NRG3: variants seen among roughly 807,000 people sequenced by gnomAD.
The protein encoded by NRG3 is pro-neuregulin-3, membrane-bound isoform.
In NRG3, 31 loss-of-function variants were observed where a neutral mutation model predicts 66.9. The ratio of observed to expected loss-of-function variants is 0.46; its 90% CI spans 0.35 to 0.63. NRG3 has a LOEUF of 0.63. Ranked by LOEUF, NRG3 falls within the 20% of genes least tolerant of loss-of-function variation. NRG3 has a pLI of 0.00. For synonymous variants in NRG3, 393 were observed against 359.4 expected (o/e 1.09, Z -1.06); for missense variants, 910 against 878.9 (o/e 1.04, Z -0.45).
chr10:82,640,143 G>A (rs879429028), intron 2 of NRG3, among the ~76,000 whole-genome samples: 3 of 152,180 alleles, frequency 2.0e-5, no homozygotes, highest in Admixed American at 2.0e-4. Context: ...ATTTGACACA[G>A]CAATACCATT....
At chr10:82,397,302 T>C (rs1034713235) in intron 2 of NRG3, among the ~76,000 whole-genome samples, 5 of 152,202 alleles carry the variant, frequency 3.3e-5, no homozygotes, top group Non-Finnish European at 4.4e-5. Flanking sequence ...TTTAGAATGC[T>C]CATCGGGAAG....
At chr10:82,721,773 G>C (rs1230137160) in intron 2 of NRG3, among the ~76,000 whole-genome samples, 1 of 152,122 alleles carries the variant, frequency 6.6e-6, no homozygotes. Context: ...CACTATTTGA[G>C]AGAATATCCC....
chr10:82,811,001 GTTCT>G (rs1260322521), intron 3 of NRG3, among the ~76,000 whole-genome samples: 2 of 151,990 alleles, frequency 1.3e-5, no homozygotes, highest in African/African-American at 4.8e-5. Context: ...TACTTGCAGT[GTTCT>G]TCCTTTAGTC....
At chr10:82,477,968 A>G (rs932619542) in intron 2 of NRG3, among the ~76,000 whole-genome samples, 4 of 151,936 alleles carry the variant, frequency 2.6e-5, no homozygotes, top group African/African-American at 7.3e-5. Context: ...AAACGGGACT[A>G]CTCTGTGGTG....
intron 1 of NRG3, among the ~76,000 whole-genome samples, chr10:82,211,812 G>A (rs1203429247): frequency 6.6e-6 from 1 of 152,148 alleles, no homozygotes; most frequent in Non-Finnish European, 1.5e-5. Flanking sequence ...TACAGATTTT[G>A]GAGACAGGGC....
intron 8 of NRG3, among the ~76,000 whole-genome samples, chr10:82,984,533 T>C (rs957553927): frequency 2.0e-5 from 3 of 152,074 alleles, no homozygotes; most frequent in African/African-American, 7.2e-5. Context: ...ACAGTGCCAG[T>C]GGAAATTGGA....
At chr10:81,928,770 C>A (rs530314524) in intron 1 of NRG3, among the ~76,000 whole-genome samples, 1 of 152,248 alleles carries the variant, frequency 6.6e-6, no homozygotes, top group Non-Finnish European at 1.5e-5. Context: ...TTAAATATAT[C>A]TCTATGTACT....
chr10:82,680,208 T>A (rs1003931679), intron 2 of NRG3, among the ~76,000 whole-genome samples: 3 of 152,192 alleles, frequency 2.0e-5, no homozygotes, highest in Admixed American at 6.5e-5. Flanking sequence ...CATTGAGGAA[T>A]GGAAGACATA....
intron 3 of NRG3, among the ~76,000 whole-genome samples, chr10:82,779,290 T>G (rs1483108149): frequency 6.6e-6 from 1 of 152,070 alleles, no homozygotes; most frequent in Non-Finnish European, 1.5e-5. Context: ...CCTTCCTGTT[T>G]CCATCATGGC....
chr10:82,264,258 T>G (rs1345744790), intron 1 of NRG3, among the ~76,000 whole-genome samples: 2 of 152,100 alleles, frequency 1.3e-5, no homozygotes, highest in African/African-American at 2.4e-5. Context: ...CTGGGGGGCC[T>G]CAGGAAATTT....
intron 8 of NRG3, among the ~76,000 whole-genome samples, chr10:82,984,125 A>G (rs1450126435): frequency 4.6e-5 from 7 of 152,246 alleles, no homozygotes; most frequent in Non-Finnish European, 1.5e-5. Context: ...TGTTTAAATT[A>G]GGGACAAATA....
chr10:82,425,021 A>C (rs902415466), intron 2 of NRG3, among the ~76,000 whole-genome samples: 2 of 152,100 alleles, frequency 1.3e-5, no homozygotes, highest in African/African-American at 4.8e-5. Context: ...CAAATTCCAT[A>C]GGTCTTGATT....
At chr10:82,807,207 C>T (rs1034768439) in intron 3 of NRG3, among the ~76,000 whole-genome samples, 3 of 152,102 alleles carry the variant, frequency 2.0e-5, no homozygotes, top group African/African-American at 7.2e-5. Context: ...CATAAAAAGA[C>T]AAATGTTATA....
intron 3 of NRG3, among the ~76,000 whole-genome samples, chr10:82,848,842 T>C (rs879752031): frequency 2.0e-5 from 3 of 152,214 alleles, no homozygotes; most frequent in Non-Finnish European, 4.4e-5. Context: ...GTGGTTCCCC[T>C]GCACATGTTC....
intron 2 of NRG3, among the ~76,000 whole-genome samples, chr10:82,666,808 T>G (rs2052824313): frequency 6.6e-6 from 1 of 152,228 alleles, no homozygotes; most frequent in Admixed American, 6.5e-5. Context: ...AATCTGAAAA[T>G]AGAACACTTT....
chr10:82,272,380 G>T (rs1485011178), intron 1 of NRG3, among the ~76,000 whole-genome samples: 3 of 152,126 alleles, frequency 2.0e-5, no homozygotes, highest in African/African-American at 7.2e-5. Flanking sequence ...GATCCTGGAG[G>T]GTGCTGGAAG....
At chr10:82,263,645 C>T (rs2078151302) in intron 1 of NRG3, among the ~76,000 whole-genome samples, 1 of 152,064 alleles carries the variant, frequency 6.6e-6, no homozygotes, top group Admixed American at 6.6e-5. Flanking sequence ...TACACACTTA[C>T]ACCTGTTTTT....
At chr10:82,282,885 G>A (rs1439980251) in intron 1 of NRG3, among the ~76,000 whole-genome samples, 2 of 152,088 alleles carry the variant, frequency 1.3e-5, no homozygotes, top group African/African-American at 4.8e-5. Flanking sequence ...ACTTCTGCAA[G>A]AAACACCTGC....
In NRG3 at chr10:82,188,789, G is replaced by A. The variant is rs1194655173; in HGVS notation, c.824-169950G>A. Among the ~76,000 whole-genome samples, 4 of 152,160 alleles carry A rather than the reference G, an allele frequency of 2.6e-5. No homozygotes were observed. In the East Asian group the frequency reaches 7.8e-4, roughly 29 times the overall value. On this transcript the variant is annotated intron_variant, in intron 1 of 8. Coordinates refer to ENST00000372141, the MANE Select transcript of NRG3 (RefSeq NM_001010848.4). ...TGTACCAGAGGCTGGGAAGGGTAGC[G>A]GGAGGCTATGGGAGAGGTGAGGGTG...
Sources: gnomAD v4.1 joint callset for allele counts (sites outside exome capture counted in the v4.1 genomes callset) on GRCh38, gnomAD v4.1.1 for gene constraint, MANE v1.5 for transcripts, NCBI Gene and HGNC (gene_info 2026-07-23, HGNC 2026-07-21) for gene names.